Variants in AVEN observed in about 807,000 individuals in gnomAD.
The protein encoded by AVEN is cell death regulator Aven.
AVEN carries 41 observed loss-of-function variants against 38.1 expected under a neutral mutation model. The ratio of observed to expected loss-of-function variants is 1.08; its 90% confidence interval spans 0.84 to 1.40. AVEN has a LOEUF of 1.40. Among genes scored for constraint, AVEN ranks in the 40% most tolerant of loss-of-function variants. The pLI is 0.00. For synonymous variants in AVEN, 206 were observed against 171.8 expected (o/e 1.20, Z -1.56); for missense variants, 605 against 438.8 (o/e 1.38, Z -3.38).
chr15:34,048,013 C>A (rs939954129), intron 5 of AVEN, among the ~76,000 whole-genome samples: 1 of 141,724 alleles, frequency 7.1e-6, no homozygotes, highest in African/African-American at 2.4e-5. Context: ...CACATCACCA[C>A]GTCCAGCTCG....
chr15:33,914,704 G>A (rs1893056286), intron 2 of AVEN, among the ~76,000 whole-genome samples: 1 of 151,610 alleles, frequency 6.6e-6, no homozygotes, highest in African/African-American at 2.4e-5. Flanking sequence ...GCAGGAGAAG[G>A]CAAGAAAGAT....
intron 2 of AVEN, among the ~76,000 whole-genome samples, chr15:33,943,278 A>G (rs1029883489): frequency 1.3e-5 from 2 of 152,268 alleles, no homozygotes; most frequent in Non-Finnish European, 2.9e-5. Flanking sequence ...AGCCTTCAAA[A>G]GGAAGGAAAT....
intron 5 of AVEN, among the ~76,000 whole-genome samples, chr15:34,046,063 C>G (rs1478589723): frequency 1.3e-5 from 2 of 152,120 alleles, no homozygotes; most frequent in Non-Finnish European, 2.9e-5. Flanking sequence ...GGGAAGAGCT[C>G]AAAAGGATCC....
At chr15:34,023,182 A>G (rs1250645090) in intron 1 of AVEN, among the ~76,000 whole-genome samples, 1 of 147,818 alleles carries the variant, frequency 6.8e-6, no homozygotes, top group East Asian at 2.0e-4. Context: ...TCGGTCTCAG[A>G]AAAAAAAAAA....
At chr15:33,882,572 A>AAC (rs386382658) in intron 2 of AVEN, among the ~76,000 whole-genome samples, 9 of 151,626 alleles carry the variant, frequency 5.9e-5, no homozygotes, top group Non-Finnish European at 1.0e-4. Flanking sequence ...AAAAAAAAAA[A>AAC]ATAGAAATAA....
chr15:33,996,705 C>G (rs1896951437), intron 2 of AVEN, among the ~76,000 whole-genome samples: 1 of 152,186 alleles, frequency 6.6e-6, no homozygotes, highest in South Asian at 2.1e-4. Flanking sequence ...CTGTAGGTCA[C>G]CAGCATCAAA....
At chr15:33,905,821 GGAAAGAAAAA>G (rs954873606) in intron 2 of AVEN, among the ~76,000 whole-genome samples, 7 of 25,886 alleles carry the variant, frequency 2.7e-4, no homozygotes, top group African/African-American at 8.4e-4. Context: ...CCTTGTTTCG[GGAAAGAAAAA>G]AAAAAAAAAA....
downstream of AVEN, chr15:33,857,767 C>G (rs1188351298): frequency 3.7e-6 from 6 of 1,613,786 alleles, no homozygotes; most frequent in Non-Finnish European, 5.1e-6. Flanking sequence ...TTTCTCTGTC[C>G]TCTCATTCCC....
intron 1 of AVEN, among the ~76,000 whole-genome samples, chr15:34,024,217 A>C (rs917974268): frequency 6.6e-6 from 1 of 152,234 alleles, no homozygotes; most frequent in African/African-American, 2.4e-5. Flanking sequence ...GCATTCCACC[A>C]GAGGAGTCAA....
chr15:33,875,745 T>C (rs8026717), intron 3 of AVEN, among the ~76,000 whole-genome samples, 180 bp downstream of exon 3: 5,721 of 152,228 alleles, frequency 0.038, 324 homozygotes, highest in South Asian at 0.12. Flanking sequence ...AGGTGAACTC[T>C]AGCTTCAAGG....
intron 5 of AVEN, among the ~76,000 whole-genome samples, chr15:34,060,099 T>G (rs912939035): frequency 6.6e-6 from 1 of 152,190 alleles, no homozygotes; most frequent in African/African-American, 2.4e-5. Context: ...TGCCTAGAGA[T>G]TTGTAGAGTG....
At chr15:34,047,224 C>T (rs950230024) in intron 5 of AVEN, among the ~76,000 whole-genome samples, 1 of 152,034 alleles carries the variant, frequency 6.6e-6, no homozygotes, top group Non-Finnish European at 1.5e-5. Flanking sequence ...ACTACAGGCG[C>T]CCGCCACCAT....
chr15:33,864,526 G>C (rs919440469), downstream of AVEN, among the ~76,000 whole-genome samples: 8 of 152,172 alleles, frequency 5.3e-5, no homozygotes, highest in Non-Finnish European at 1.2e-4. Flanking sequence ...AGAGTACAAC[G>C]GAGTGAGAGA....
intron 2 of AVEN, among the ~76,000 whole-genome samples, chr15:33,924,710 T>C (rs1893547618): frequency 1.3e-5 from 2 of 152,236 alleles, no homozygotes; most frequent in African/African-American, 2.4e-5. Flanking sequence ...TTTTGAAGTA[T>C]TAAATTATTT....
rs750398061 is a variant in AVEN at position 33,868,048 on chromosome 15, C to T, written c.613-193G>A. 1.0e-3 allele frequency among the ~76,000 whole-genome samples: 157 copies of T among 152,152 alleles called. 3 individuals carry two copies. Among genetic ancestry groups the T allele is most frequent in the Admixed American group, 5.2e-4 (8 of 15,272 alleles). ...TGACATCTGGGGTAAATGTGGGAGA[C>T]CTCACTGAAACATGCCAGCACTGTG... is the stretch of plus-strand genomic sequence containing the variant. On this transcript the variant is annotated intron_variant, in intron 4 of 5. Coordinates refer to ENST00000306730, the MANE Select transcript of AVEN (RefSeq NM_020371.3).
intron 2 of AVEN, among the ~76,000 whole-genome samples, chr15:33,876,847 G>A (rs1185883883): frequency 1.3e-5 from 2 of 152,068 alleles, no homozygotes; most frequent in African/African-American, 2.4e-5. Context: ...AAATGTAGCA[G>A]CCATACAAAT....
At chr15:33,928,718 G>A (rs1305441494) in intron 2 of AVEN, among the ~76,000 whole-genome samples, 1 of 152,172 alleles carries the variant, frequency 6.6e-6, no homozygotes, top group African/African-American at 2.4e-5. Flanking sequence ...ATCCTTCCCA[G>A]AGGGACTGCA....
intron 2 of AVEN, among the ~76,000 whole-genome samples, chr15:33,968,241 ACTGT>A (rs1170437189): frequency 2.0e-5 from 3 of 151,842 alleles, no homozygotes; most frequent in Admixed American, 6.6e-5. Flanking sequence ...ACGTCACTTA[ACTGT>A]CTGTCAAATA....
chr15:33,853,420 C>T, the AVEN span: 6 of 1,161,736 alleles, frequency 5.2e-6, no homozygotes, highest in Middle Eastern at 6.0e-4. Context: ...TCTCTTTTTT[C>T]TGCATTTTGA....
Sources: allele counts gnomAD v4.1 joint callset (sites outside exome capture counted in the v4.1 genomes callset), GRCh38; gene constraint gnomAD v4.1.1; transcripts MANE v1.5; gene names NCBI Gene and HGNC (gene_info 2026-07-23, HGNC 2026-07-21).